Variants in MAP1LC3B2 observed in about 807,000 individuals in gnomAD.
MAP1LC3B2 encodes the protein microtubule-associated protein 1 light chain 3 beta 2.
For missense variants in MAP1LC3B2, 155 were observed against 154.6 expected (o/e 1.00, Z -0.01); for synonymous variants, 62 against 57.8 (o/e 1.07, Z -0.33).
intron 1 of MAP1LC3B2, chr12:116,560,226 A>ATATGTATGTATGTATATG (rs1869230856): frequency 2.0e-5 from 2 of 101,134 alleles, no homozygotes; most frequent in African/African-American, 8.1e-5. Flanking sequence ...ATATATATAT[A>ATATGTATGTATGTATATG]TATATATATA....
chr12:116,575,950 C>T lies in MAP1LC3B2; in HGVS notation c.8C>T (p.Ser3Leu), dbSNP rs201087313. The T allele has an allele frequency of 9.3e-5, 150 of 1,614,190 alleles. No homozygotes were observed. Among genetic ancestry groups the T allele is most frequent in the Non-Finnish European group, 1.2e-4 (141 of 1,180,042 alleles). ...GGCCCAGATCCCCACACCATGCCGTCGGAGAAGACCTTCAAGCAGCGGCGC... is the reference window on the plus strand; with the variant it reads ...GGCCCAGATCCCCACACCATGCCGTTGGAGAAGACCTTCAAGCAGCGGCGC... Reference protein sequence around the residue: MPSEKTFKQRRTF... With the variant: MPLEKTFKQRRTF... Residue 3 changes from serine to leucine, a missense_variant, in exon 2 of 2, where the codon TCG becomes TTG. Transcript: ENST00000556529.
intron 1 of MAP1LC3B2, among the ~76,000 whole-genome samples, chr12:116,566,616 TAAAAAAAAAAAAAA>T (rs58530141): frequency 0.034 from 3,084 of 91,702 alleles, 171 homozygotes; most frequent in African/African-American, 0.12. Context: ...AGTCAGTGAT[TAAAAAAAAAAAAAA>T]AAAAAAAAAC....
Position 116,576,279 on chromosome 12 carries a change from T to C in MAP1LC3B2, c.337T>C (p.Cys113Arg). The C allele has an allele frequency of 6.2e-7, 1 of 1,614,162 alleles. No homozygotes were observed. Among genetic ancestry groups the C allele is most frequent in the South Asian group, 1.1e-5 (1 of 91,078 alleles). Reference sequence around the variant, plus strand: ...TGAAGATGGATTCCTGTACATGGTCTGTGCCTCCCAGGAGACGTTCGGGAT... The same window carrying C: ...TGAAGATGGATTCCTGTACATGGTCCGTGCCTCCCAGGAGACGTTCGGGAT... Reference protein sequence around the residue: ...KDEDGFLYMVCASQETFGMKL... With the variant: ...KDEDGFLYMVRASQETFGMKL... The change falls in exon 2 of 2, where the codon TGT becomes CGT. Residue 113 changes from cysteine to arginine, a missense_variant. Cys to Arg is a radical substitution (Grantham distance 180, BLOSUM62 -3). Coordinates refer to ENST00000556529, the MANE Select transcript of MAP1LC3B2 (RefSeq NM_001085481.3).
intron 1 of MAP1LC3B2, among the ~76,000 whole-genome samples, chr12:116,569,065 T>C (rs898858720): frequency 1.3e-5 from 2 of 151,930 alleles, no homozygotes; most frequent in Non-Finnish European, 1.5e-5. Flanking sequence ...GGTTTCACGG[T>C]GTTAGCCAGG....
chr12:116,575,930 A>G lies in MAP1LC3B2; in HGVS notation c.-13A>G. ...CCTCGCGTCGTCGCCGCCGCGGCCC[A>G]GATCCCCACACCATGCCGTCGGAGA... On this transcript the variant is annotated 5_prime_UTR_variant, in exon 2 of 2. Transcript: ENST00000556529. 2 of 1,614,146 alleles carry G rather than the reference A, an allele frequency of 1.2e-6. No individual in the cohort carries two copies. Among genetic ancestry groups the G allele is most frequent in the South Asian group, 1.1e-5 (1 of 91,080 alleles).
rs1253299921 is a variant in MAP1LC3B2, at chr12:116,576,166, C to T, written c.224C>T (p.Ala75Val). The T allele has an allele frequency of 3.7e-6, 6 of 1,614,118 alleles. No homozygotes were observed. Among genetic ancestry groups the T allele is most frequent in the Non-Finnish European group, 5.1e-6 (6 of 1,180,014 alleles). The stretch of plus-strand genomic sequence containing the variant: ...ATTAGAAGGCGCTTACAGCTCAATG[C>T]TAATCAGGCCTTCTTCCTGTTGGTG... ...KIIRRRLQLN[A>V]NQAFFLLVNG... The change falls in exon 2 of 2, where the codon GCT becomes GTT. Residue 75 changes from alanine to valine, a missense_variant. Ala to Val is a moderately conservative substitution (Grantham distance 64). Transcript: ENST00000556529.
intron 1 of MAP1LC3B2, among the ~76,000 whole-genome samples, chr12:116,567,782 A>C (rs1248525903): frequency 6.6e-6 from 1 of 151,862 alleles, no homozygotes; most frequent in East Asian, 1.9e-4. Flanking sequence ...ATATATATGT[A>C]AACCCTCTAA....
chr12:116,562,957 TTTATTTTA>T (rs1228136549), intron 1 of MAP1LC3B2, among the ~76,000 whole-genome samples: 1 of 151,632 alleles, frequency 6.6e-6, no homozygotes, highest in African/African-American at 2.4e-5. Context: ...AAACAAGAAC[TTTATTTTA>T]TTTTATTTTA....
intron 1 of MAP1LC3B2, among the ~76,000 whole-genome samples, chr12:116,565,358 T>A (rs904565570): frequency 3.3e-5 from 5 of 152,208 alleles, no homozygotes; most frequent in Non-Finnish European, 7.3e-5. Context: ...CTTACATGGA[T>A]GGAGGCAGGA....
chr12:116,568,260 C>T (rs1869442967), intron 1 of MAP1LC3B2, among the ~76,000 whole-genome samples: 1 of 152,194 alleles, frequency 6.6e-6, no homozygotes, highest in Non-Finnish European at 1.5e-5. Flanking sequence ...AATGCACAGA[C>T]ACGTACACAC....
chr12:116,562,611 TA>T (rs1343999189), intron 1 of MAP1LC3B2, among the ~76,000 whole-genome samples: 3 of 152,194 alleles, frequency 2.0e-5, no homozygotes, highest in Non-Finnish European at 2.9e-5. Flanking sequence ...ATCTGTACCA[TA>T]AAAGAGTTGG....
chr12:116,565,344 A>G (rs1186635038), intron 1 of MAP1LC3B2, among the ~76,000 whole-genome samples: 2 of 152,262 alleles, frequency 1.3e-5, no homozygotes, highest in African/African-American at 4.8e-5. Context: ...GGAGCAAGTC[A>G]TGTCTTACAT....
At chr12:116,565,963 A>G (rs1259342008) in intron 1 of MAP1LC3B2, among the ~76,000 whole-genome samples, 1 of 152,222 alleles carries the variant, frequency 6.6e-6, no homozygotes, top group Non-Finnish European at 1.5e-5. Flanking sequence ...CTATTTCACC[A>G]CAAGGCTGCA....
chr12:116,574,999 G>A (rs1391331149), intron 1 of MAP1LC3B2, among the ~76,000 whole-genome samples: 1 of 151,934 alleles, frequency 6.6e-6, no homozygotes, highest in Non-Finnish European at 1.5e-5. Context: ...GACCAACGTG[G>A]AGAAACCCCG....
chr12:116,562,292 G>A lies in MAP1LC3B2; in HGVS notation c.-102+2859G>A, dbSNP rs148591439. The stretch of plus-strand genomic sequence containing the variant: ...GATCCACCTGTGCCTGAAACCATCC[G>A]TAGCTCCAAACTCGCAAGTTCCGTG... On this transcript the variant is annotated intron_variant, in intron 1 of 1. Transcript: ENST00000556529. Among the ~76,000 whole-genome samples the A allele has an allele frequency of 9.7e-3, 1,482 of 152,278 alleles. 14 individuals are homozygous for A. Among genetic ancestry groups the A allele is most frequent in the Middle Eastern group, 0.037 (11 of 294 alleles).
chr12:116,568,370 C>G (rs1287673073), intron 1 of MAP1LC3B2, among the ~76,000 whole-genome samples: 1 of 152,262 alleles, frequency 6.6e-6, no homozygotes, highest in Non-Finnish European at 1.5e-5. Context: ...TCCTGTCTCT[C>G]TGCCCTGCAG....
intron 1 of MAP1LC3B2, among the ~76,000 whole-genome samples, chr12:116,564,139 G>T (rs1869333794): frequency 6.6e-6 from 1 of 151,962 alleles, no homozygotes; most frequent in Non-Finnish European, 1.5e-5. Context: ...ATATTCTTTA[G>T]ATCTATGAAC....
At chr12:116,562,131 C>T (rs8181752) in intron 1 of MAP1LC3B2, among the ~76,000 whole-genome samples, 43,722 of 151,984 alleles carry the variant, frequency 0.29, 6,805 homozygotes, top group African/African-American at 0.38. Context: ...CTCTTGGTTC[C>T]ACTATGTGGT....
At chr12:116,568,073 C>T (rs1869438595) in intron 1 of MAP1LC3B2, among the ~76,000 whole-genome samples, 1 of 152,192 alleles carries the variant, frequency 6.6e-6, no homozygotes, top group Non-Finnish European at 1.5e-5. Context: ...TCAGGCCTAA[C>T]CTATGTTTTT....
Sources: gnomAD v4.1 joint callset for allele counts (sites outside exome capture counted in the v4.1 genomes callset) on GRCh38, gnomAD v4.1.1 for gene constraint, MANE v1.5 for transcripts, NCBI Gene and HGNC (gene_info 2026-07-23, HGNC 2026-07-21) for gene names.